The following SLC7A14 variants were observed in gnomAD, a reference collection of about 807,000 sequenced individuals.
SLC7A14 encodes the protein gamma-aminobutyric acid transporter SLC7A14.
In SLC7A14, 37 loss-of-function variants were observed where a neutral mutation model predicts 60.2. That is an observed-to-expected ratio of 0.61 (90% CI 0.47 to 0.81). SLC7A14 has a LOEUF of 0.81. Ranked by LOEUF, SLC7A14 falls within the 30% of genes least tolerant of loss-of-function variation. The probability of loss-of-function intolerance (pLI) is 0.00; values close to 1 mark genes in which losing one functional copy is unlikely to be tolerated. For missense variants in SLC7A14, 886 were observed against 982.7 expected, an observed-to-expected ratio of 0.90 and a Z score of 1.32; for synonymous variants, 399 against 395.8, an observed-to-expected ratio of 1.01 and a Z score of -0.10.
intron 5 of SLC7A14, among the ~76,000 whole-genome samples, chr3:170,485,338 A>G (rs1429332576): frequency 6.6e-6 from 1 of 152,160 alleles, no homozygotes; most frequent in African/African-American, 2.4e-5. Context: ...GCTAGTTGCT[A>G]AAGATGTCTT....
intron 2 of SLC7A14, among the ~76,000 whole-genome samples, chr3:170,515,125 C>T (rs1348499104): frequency 1.3e-5 from 2 of 151,854 alleles, no homozygotes; most frequent in East Asian, 3.9e-4. Context: ...CCAGCCTGGC[C>T]AACACGGCGT....
chr3:170,582,562 T>C (rs1350952034), intron 1 of SLC7A14, among the ~76,000 whole-genome samples: 3 of 152,220 alleles, frequency 2.0e-5, no homozygotes, highest in African/African-American at 7.2e-5. Context: ...AATAGCATTC[T>C]TGACAGATCA....
chr3:170,579,949 T>G (rs1472357164), intron 1 of SLC7A14, among the ~76,000 whole-genome samples: 1 of 152,228 alleles, frequency 6.6e-6, no homozygotes, highest in Non-Finnish European at 1.5e-5. Flanking sequence ...GACACGGTTC[T>G]CAGGAGTAGT....
At chr3:170,472,636 G>A (rs1490256421) in intron 7 of SLC7A14, among the ~76,000 whole-genome samples, 4 of 151,648 alleles carry the variant, frequency 2.6e-5, no homozygotes, top group Non-Finnish European at 5.9e-5. Context: ...GCATGGCGGT[G>A]GGCACCTGTA....
At chr3:170,502,156 A>C (rs1023489170) in intron 2 of SLC7A14, among the ~76,000 whole-genome samples, 5 of 152,248 alleles carry the variant, frequency 3.3e-5, no homozygotes, top group Admixed American at 6.5e-5. Context: ...AGAGAGAGAC[A>C]GTATGAAGTA....
intron 1 of SLC7A14, among the ~76,000 whole-genome samples, chr3:170,542,276 G>T (rs988362556): frequency 6.6e-6 from 1 of 152,132 alleles, no homozygotes; most frequent in East Asian, 1.9e-4. Flanking sequence ...CTAATAGCTT[G>T]GTTTTCTTTC....
intron 2 of SLC7A14, among the ~76,000 whole-genome samples, chr3:170,514,182 T>C (rs960239804): frequency 6.6e-6 from 1 of 152,038 alleles, no homozygotes; most frequent in African/African-American, 2.4e-5. Flanking sequence ...ACATGAGGAG[T>C]GGGCCAGAGT....
chr3:170,495,559 G>C (rs1477262151), intron 4 of SLC7A14: 1 of 758,724 alleles, frequency 1.3e-6, no homozygotes, highest in Non-Finnish European at 2.4e-6. Flanking sequence ...AGCCTCTCCC[G>C]AGTGAGCAGC....
intron 1 of SLC7A14, among the ~76,000 whole-genome samples, chr3:170,557,772 C>T (rs534335703): frequency 1.3e-5 from 2 of 152,226 alleles, no homozygotes; most frequent in South Asian, 4.1e-4. Context: ...GTTTTTGGAA[C>T]GTGCTTAGAA....
intron 1 of SLC7A14, among the ~76,000 whole-genome samples, chr3:170,584,193 C>T (rs115118065): frequency 0.015 from 2,296 of 152,216 alleles, 22 homozygotes; most frequent in Admixed American, 0.024. Flanking sequence ...CCCCATCTTG[C>T]CCATAATATA....
chr3:170,497,828 C>T (rs1712458485), intron 4 of SLC7A14, among the ~76,000 whole-genome samples: 2 of 152,220 alleles, frequency 1.3e-5, no homozygotes, highest in Non-Finnish European at 2.9e-5. Flanking sequence ...CTATTTTTCT[C>T]TAGCATAAAC....
intron 1 of SLC7A14, among the ~76,000 whole-genome samples, chr3:170,537,835 G>T (rs986885354): frequency 6.6e-6 from 1 of 152,172 alleles, no homozygotes; most frequent in Non-Finnish European, 1.5e-5. Context: ...TATTTAAAAA[G>T]GTGAATGGAG....
At chr3:170,509,309 C>T (rs927244451) in intron 2 of SLC7A14, among the ~76,000 whole-genome samples, 15 of 152,160 alleles carry the variant, frequency 9.9e-5, no homozygotes, top group African/African-American at 3.6e-4. Context: ...GGACAGGCAG[C>T]ATCATTAATC....
At chr3:170,537,317 C>G (rs1018337061) in intron 1 of SLC7A14, among the ~76,000 whole-genome samples, 2 of 152,180 alleles carry the variant, frequency 1.3e-5, no homozygotes, top group Non-Finnish European at 1.5e-5. Context: ...TCTCTCCTCT[C>G]TGATCCCCTG....
chr3:170,523,046 G>T (rs1228196290), intron 2 of SLC7A14, among the ~76,000 whole-genome samples: 2 of 152,218 alleles, frequency 1.3e-5, no homozygotes, highest in African/African-American at 4.8e-5. Flanking sequence ...TCTCTGGAAA[G>T]CACCTAATTT....
At chr3:170,537,424 A>C (rs1020319586) in intron 1 of SLC7A14, among the ~76,000 whole-genome samples, 5 of 152,226 alleles carry the variant, frequency 3.3e-5, no homozygotes, top group Admixed American at 2.0e-4. Flanking sequence ...TCACCTCTGC[A>C]GAGTCCCCTT....
In SLC7A14 at chr3:170,464,386, C is replaced by T. The variant is rs568229410; in HGVS notation, c.*2669G>A. ...AAGGTGATCTTACTTTTAATGTGAT[C>T]CCACACATACATCGTTTAGAAACCT... On this transcript the variant is annotated 3_prime_UTR_variant, in exon 8 of 8. Transcript: ENST00000231706. 2 of 152,276 alleles carry T rather than the reference C, an allele frequency of 1.3e-5. No homozygotes were observed. Among genetic ancestry groups the T allele is most frequent in the East Asian group, 3.9e-4 (2 of 5,192 alleles). The allele number at this position is 152,276 out of a possible 1,614,324, so 9.4% of individuals were successfully genotyped here.
Position 170,480,371 on chromosome 3 carries a change from G to A in SLC7A14, c.1911C>T (p.Ala637=). 1 of 1,607,942 alleles carries A rather than the reference G, an allele frequency of 6.2e-7. No individual in the cohort carries two copies. Among genetic ancestry groups the A allele is most frequent in the Non-Finnish European group, 8.5e-7 (1 of 1,176,640 alleles). ...GATAGATGTTCACCAGCATGGCAAA[G>A]GCAGGCACAAAGGGGAGGCAAGGGG... ...YMAPCLPFVP[A]FAMLVNIYLM... is the part of the protein sequence containing the mutation. The change falls in exon 7 of 8, where the codon GCC becomes GCT. Residue 637 remains alanine, a synonymous_variant. Coordinates refer to ENST00000231706, the MANE Select transcript of SLC7A14 (RefSeq NM_020949.3).
chr3:170,559,481 T>A (rs1714579524), intron 1 of SLC7A14, among the ~76,000 whole-genome samples: 1 of 152,214 alleles, frequency 6.6e-6, no homozygotes, highest in African/African-American at 2.4e-5. Flanking sequence ...ATAATAGTTT[T>A]AAAATATTTT....
Sources: allele counts gnomAD v4.1 joint callset (sites outside exome capture counted in the v4.1 genomes callset), GRCh38; gene constraint gnomAD v4.1.1; transcripts MANE v1.5; gene names NCBI Gene and HGNC (gene_info 2026-07-23, HGNC 2026-07-21).